The following RPH3A variants were observed in gnomAD, a reference collection of about 807,000 sequenced individuals.
RPH3A encodes the protein rabphilin-3A.
A neutral mutation model predicts 102.2 loss-of-function variants in RPH3A; 48 were observed. The observed-to-expected ratio is 0.47, with a 90% confidence interval of 0.37 to 0.60. The LOEUF is 0.60. Among genes scored for constraint, RPH3A ranks in the 20% least tolerant of loss-of-function variants. RPH3A has a pLI of 0.00. For synonymous variants in RPH3A, 310 were observed against 324.3 expected, an observed-to-expected ratio of 0.96 and a Z score of 0.47; for missense variants, 781 against 910.1, an observed-to-expected ratio of 0.86 and a Z score of 1.83.
rs140986330 is a variant in RPH3A, at chr12:112,776,839, A to G, written c.-139-15304A>G. On this transcript the variant is annotated intron_variant, in intron 1 of 21. Transcript: ENST00000543106. ...CAGTGAGCCGAGATCATGCCACTGT[A>G]CTCCAGCCTGGGCGACAGAGTGAGA... 8.1e-3 allele frequency among the ~76,000 whole-genome samples: 1,125 copies of G among 139,210 alleles called. 14 individuals carry two copies. Among genetic ancestry groups the G allele is most frequent in the African/African-American group, 0.028 (1,023 of 36,214 alleles). 91.3% of individuals were successfully genotyped at this position (139,210 alleles called of 152,430 possible). A position where few individuals can be genotyped will look rare whatever the true frequency, so the allele number is the denominator to read the frequency against.
intron 5 of RPH3A, among the ~76,000 whole-genome samples, chr12:112,854,039 C>G (rs1278279911): frequency 1.3e-5 from 2 of 152,200 alleles, no homozygotes; most frequent in Non-Finnish European, 2.9e-5. Context: ...ATGGGATAGT[C>G]TTCAAATCCC....
intron 1 of RPH3A, among the ~76,000 whole-genome samples, chr12:112,785,931 A>G (rs2041046869): frequency 6.6e-6 from 1 of 152,108 alleles, no homozygotes; most frequent in African/African-American, 2.4e-5. Context: ...AAACTTAGTA[A>G]ATGGTAGCTG....
intron 1 of RPH3A, among the ~76,000 whole-genome samples, chr12:112,662,507 A>G (rs2040055523): frequency 6.6e-6 from 1 of 152,216 alleles, no homozygotes; most frequent in Admixed American, 6.5e-5. Context: ...GGCTTTTGCT[A>G]TATGCAAAAT....
At position 112,837,895 on chromosome 12, in the gene RPH3A, TTTCCTCCCTCCC is replaced by T. The variant is rs1435394973; in HGVS notation, c.83+1412_83+1423del. ...CCCTCCTTCCCCCCTCCCTCCCTCC[TTTCCTCCCTCCC>T]TTCCTCCCTCCCTTCCTCTATTAAT... On this transcript the variant is annotated intron_variant, in intron 4 of 21. Transcript: ENST00000389385. 214 of 370,482 alleles carry T rather than the reference TTTCCTCCCTCCC, an allele frequency of 5.8e-4. No homozygotes were observed. The African/African-American group carries it at 6.0e-3, about 10-fold the overall frequency. 22.9% of individuals were successfully genotyped at this position (370,482 alleles called of 1,614,324 possible).
chr12:112,755,732 C>T (rs906669755), intron 1 of RPH3A, among the ~76,000 whole-genome samples: 7 of 152,086 alleles, frequency 4.6e-5, no homozygotes, highest in African/African-American at 1.7e-4. Flanking sequence ...CCTGCCTTTT[C>T]ATGAGCTCTT....
chr12:112,808,209 G>C (rs2136115522), intron 2 of RPH3A, among the ~76,000 whole-genome samples: 1 of 152,348 alleles, frequency 6.6e-6, no homozygotes, highest in Non-Finnish European at 1.5e-5. Context: ...GGATGGGGCA[G>C]GGAAGGTGTG....
At chr12:112,874,030 C>G (rs1344543365) in intron 10 of RPH3A, 1 of 152,324 alleles carries the variant, frequency 6.6e-6, no homozygotes, top group Non-Finnish European at 1.5e-5. Context: ...AATGTGGGAA[C>G]CTGGGACAAG....
At chr12:112,801,631 A>G (rs896818033) in intron 2 of RPH3A, among the ~76,000 whole-genome samples, 2 of 152,140 alleles carry the variant, frequency 1.3e-5, no homozygotes, top group Non-Finnish European at 2.9e-5. Flanking sequence ...CCTGTCTGTT[A>G]TTCACGGAGG....
chr12:112,696,808 C>G (rs1341577772), intron 1 of RPH3A, among the ~76,000 whole-genome samples: 1 of 152,180 alleles, frequency 6.6e-6, no homozygotes. Flanking sequence ...CTCTCCTACT[C>G]TACCTCTTTC....
At chr12:112,598,432 T>G (rs561925441) in intron 1 of RPH3A, among the ~76,000 whole-genome samples, 1 of 152,074 alleles carries the variant, frequency 6.6e-6, no homozygotes, top group African/African-American at 2.4e-5. Flanking sequence ...AGAAGGTGAG[T>G]TTTTGTCCCC....
intron 13 of RPH3A, among the ~76,000 whole-genome samples, chr12:112,878,469 G>A (rs1162686746): frequency 2.0e-5 from 3 of 152,104 alleles, no homozygotes; most frequent in African/African-American, 4.8e-5. Context: ...CTAGATGCTG[G>A]GGATATCATG....
intron 1 of RPH3A, among the ~76,000 whole-genome samples, chr12:112,768,192 AC>A (rs1460152494): frequency 6.6e-6 from 1 of 152,190 alleles, no homozygotes; most frequent in East Asian, 1.9e-4. Context: ...CGCATGATAA[AC>A]CATCTTTCCC....
intron 2 of RPH3A, among the ~76,000 whole-genome samples, chr12:112,799,289 G>A (rs537897419): frequency 6.6e-6 from 1 of 152,286 alleles, no homozygotes; most frequent in Admixed American, 6.5e-5. Flanking sequence ...TTGGGAGGCT[G>A]AGGCAGGAGG....
intron 2 of RPH3A, among the ~76,000 whole-genome samples, chr12:112,818,269 A>G (rs1299749083): frequency 1.3e-5 from 2 of 150,142 alleles, no homozygotes; most frequent in Non-Finnish European, 3.0e-5. Flanking sequence ...ACTGCACTCC[A>G]GCCTGGGCGA....
chr12:112,825,182 C>T (rs1446985370), intron 2 of RPH3A, among the ~76,000 whole-genome samples: 2 of 152,188 alleles, frequency 1.3e-5, no homozygotes, highest in Non-Finnish European at 2.9e-5. Flanking sequence ...ATTTCTTTCA[C>T]AACAGGAGCT....
intron 1 of RPH3A, among the ~76,000 whole-genome samples, chr12:112,771,165 T>A (rs904974353): frequency 4.3e-4 from 65 of 152,226 alleles, no homozygotes; most frequent in African/African-American, 1.4e-3. Context: ...TTTAAGTGAA[T>A]CTGCTTAAAT....
rs532355422 is a variant in RPH3A, at chr12:112,632,111, A to C, written c.-140+56792A>C. Reference sequence around the variant, plus strand: ...CTCATGAGATCTGATGGTTTTTAAAAAGAGGAGTTCCCCTGCACAAGCTCT... The same window carrying C: ...CTCATGAGATCTGATGGTTTTTAAACAGAGGAGTTCCCCTGCACAAGCTCT... On this transcript the variant is annotated intron_variant, in intron 1 of 21. Transcript: ENST00000543106. Among the ~76,000 whole-genome samples the C allele has an allele frequency of 3.9e-5, 6 of 152,270 alleles. No individual in the cohort carries two copies. In the East Asian group the frequency reaches 1.2e-3, roughly 29 times the overall value.
At chr12:112,874,406 C>T (rs2042759466) in intron 10 of RPH3A, among the ~76,000 whole-genome samples, 2 of 152,178 alleles carry the variant, frequency 1.3e-5, no homozygotes, top group South Asian at 2.1e-4. Context: ...GATCATAAGG[C>T]CCCACCCCAT....
intron 1 of RPH3A, among the ~76,000 whole-genome samples, chr12:112,761,591 C>T (rs1475865571): frequency 6.6e-6 from 1 of 152,210 alleles, no homozygotes. Flanking sequence ...AGGCGGGGCT[C>T]CTGGCAGCTG....
Sources: allele counts gnomAD v4.1 joint callset (sites outside exome capture counted in the v4.1 genomes callset), GRCh38; gene constraint gnomAD v4.1.1; transcripts MANE v1.5; gene names NCBI Gene and HGNC (gene_info 2026-07-23, HGNC 2026-07-21).